Variants in CDC42BPA observed in about 807,000 individuals in gnomAD.
The protein encoded by CDC42BPA is CDC42 binding protein kinase alpha.
Under a neutral mutation model 223.5 loss-of-function variants are expected in CDC42BPA, and 80 were observed. The observed-to-expected ratio is 0.36, with a 90% CI of 0.30 to 0.43. CDC42BPA has a LOEUF of 0.43. Among genes scored for constraint, CDC42BPA ranks in the 20% least tolerant of loss-of-function variants. The pLI is 1.00. For missense variants in CDC42BPA, 1,743 were observed against 2,099.9 expected (o/e 0.83, Z 3.32); for synonymous variants, 694 against 718.6 (o/e 0.97, Z 0.55).
rs1205014590 is a variant in CDC42BPA, at chr1:227,308,755, CATTTCAGGTT to C, written c.178+8240_178+8249del. ...CCAGTATATTGGTTTAGAACAGAAA[CATTTCAGGTT>C]AGGTGTTCTACTTGTAGATATTCAC... On this transcript the variant is annotated intron_variant, in intron 1 of 36. Coordinates refer to ENST00000366766, the MANE Select transcript of CDC42BPA (RefSeq NM_001394014.1). Among the ~76,000 whole-genome samples, 193 of 152,202 alleles carry C rather than the reference CATTTCAGGTT, an allele frequency of 1.3e-3. 2 individuals are homozygous for C. Among genetic ancestry groups the C allele is most frequent in the African/African-American group, 4.3e-3 (177 of 41,526 alleles).
intron 5 of CDC42BPA, among the ~76,000 whole-genome samples, chr1:227,193,348 C>T (rs922001964): frequency 1.3e-4 from 20 of 152,074 alleles, no homozygotes; most frequent in African/African-American, 3.6e-4. Context: ...GCGTGAGCAA[C>T]CGTGACCGGC....
chr1:227,214,989 T>C (rs146274669), intron 2 of CDC42BPA, among the ~76,000 whole-genome samples: 71 of 152,310 alleles, frequency 4.7e-4, no homozygotes, highest in African/African-American at 1.5e-3. Flanking sequence ...TTTGGCAGCA[T>C]GTAGTGACAT....
In CDC42BPA at chr1:226,990,439, C is replaced by G. The variant is rs1232099968; in HGVS notation, c.*3829G>C. 1 of 152,234 alleles carries G rather than the reference C, an allele frequency of 6.6e-6. No individual in the cohort carries two copies. The highest frequency in any genetic ancestry group is 1.5e-5 in the Non-Finnish European group (1 of 68,072). The allele number at this position is 152,234 out of a possible 1,614,324, so 9.4% of individuals were successfully genotyped here. On this transcript the variant is annotated 3_prime_UTR_variant, in exon 37 of 37. Coordinates refer to ENST00000366766, the MANE Select transcript of CDC42BPA (RefSeq NM_001394014.1). Reference sequence around the variant, plus strand: ...ATAAGGAAAGAGATTTTAAAATGGGCTCCATGAAATGCAGCTCATCTAGTT... The same window carrying G: ...ATAAGGAAAGAGATTTTAAAATGGGGTCCATGAAATGCAGCTCATCTAGTT...
chr1:227,200,907 A>T (rs1283226143), intron 3 of CDC42BPA, among the ~76,000 whole-genome samples: 2 of 152,260 alleles, frequency 1.3e-5, no homozygotes, highest in East Asian at 3.9e-4. Flanking sequence ...AAATAATATC[A>T]TTATTCCTTT....
chr1:227,274,990 C>A (rs914594997), intron 1 of CDC42BPA, among the ~76,000 whole-genome samples: 2 of 152,094 alleles, frequency 1.3e-5, no homozygotes, highest in African/African-American at 4.8e-5. Flanking sequence ...ATTTTAACAC[C>A]TGTCTCAGTA....
At chr1:227,080,604 T>C (rs1389751301) in intron 17 of CDC42BPA, among the ~76,000 whole-genome samples, 1 of 152,184 alleles carries the variant, frequency 6.6e-6, no homozygotes, top group Non-Finnish European at 1.5e-5. Context: ...ATTCCAACTT[T>C]GACTCTGAAG....
intron 35 of CDC42BPA, among the ~76,000 whole-genome samples, chr1:227,001,418 CCA>C (rs1267671110): frequency 6.6e-6 from 1 of 152,216 alleles, no homozygotes; most frequent in African/African-American, 2.4e-5. Context: ...CAGGCCAGCT[CCA>C]GTCTGTCGTT....
chr1:227,236,638 G>C (rs563544192), intron 2 of CDC42BPA, among the ~76,000 whole-genome samples: 37 of 152,164 alleles, frequency 2.4e-4, no homozygotes, highest in African/African-American at 8.9e-4. Context: ...ATGATAAAGT[G>C]AACAATATAT....
At chr1:227,296,761 G>C (rs376392817) in intron 1 of CDC42BPA, among the ~76,000 whole-genome samples, 40 of 142,194 alleles carry the variant, frequency 2.8e-4, no homozygotes, top group Non-Finnish European at 4.1e-4. Context: ...AAACCAATAT[G>C]ACATTGGATT....
At chr1:227,041,215 G>A (rs1428679763) in intron 23 of CDC42BPA, among the ~76,000 whole-genome samples, 2 of 152,072 alleles carry the variant, frequency 1.3e-5, no homozygotes, top group Non-Finnish European at 2.9e-5. Context: ...TATATTATAT[G>A]ATGCTGAAGT....
At chr1:227,166,969 G>A (rs188233830) in intron 5 of CDC42BPA, among the ~76,000 whole-genome samples, 33 of 152,184 alleles carry the variant, frequency 2.2e-4, no homozygotes, top group African/African-American at 7.5e-4. Flanking sequence ...ACACTTAATT[G>A]ACAGTACCCA....
intron 1 of CDC42BPA, among the ~76,000 whole-genome samples, chr1:227,302,956 T>C (rs915232638): frequency 6.6e-6 from 1 of 152,052 alleles, no homozygotes; most frequent in Non-Finnish European, 1.5e-5. Context: ...TGCAGGATTT[T>C]CTCTCATCTC....
intron 31 of CDC42BPA, among the ~76,000 whole-genome samples, chr1:227,024,340 A>G (rs1667873045): frequency 6.6e-6 from 1 of 152,232 alleles, no homozygotes; most frequent in Admixed American, 6.5e-5. Context: ...GATGTTGATA[A>G]GAATTCCTTT....
chr1:227,236,901 G>T (rs910598676), intron 2 of CDC42BPA, among the ~76,000 whole-genome samples: 2 of 152,098 alleles, frequency 1.3e-5, no homozygotes, highest in African/African-American at 4.8e-5. Flanking sequence ...AAGTTAGCCA[G>T]TTGTGGTGAC....
intron 1 of CDC42BPA, among the ~76,000 whole-genome samples, chr1:227,261,124 C>CTTTCTTTCTTTCTTTTTT (rs386417862): frequency 8.3e-6 from 1 of 121,002 alleles, no homozygotes; most frequent in Non-Finnish European, 1.7e-5. Context: ...TTGAGTTTTT[C>CTTTCTTTCTTTCTTTTTT]TTTTTTTTTG....
At chr1:227,079,394 T>C (rs187237333) in intron 17 of CDC42BPA, among the ~76,000 whole-genome samples, 1 of 152,246 alleles carries the variant, frequency 6.6e-6, no homozygotes, top group Non-Finnish European at 1.5e-5. Context: ...CCATTCCAGC[T>C]GAACTCATCA....
intron 2 of CDC42BPA, among the ~76,000 whole-genome samples, chr1:227,230,812 C>CTTTTTTTTTTTTTTTT (rs1309498246): frequency 9.8e-5 from 11 of 111,758 alleles, no homozygotes; most frequent in South Asian, 3.1e-4. Flanking sequence ...TTTCTTTTTT[C>CTTTTTTTTTTTTTTTT]TTTCTTTCTT....
At chr1:227,216,932 T>G (rs545980303) in intron 2 of CDC42BPA, among the ~76,000 whole-genome samples, 1 of 152,280 alleles carries the variant, frequency 6.6e-6, no homozygotes, top group Admixed American at 6.5e-5. Context: ...ACAGAAATAA[T>G]CACTAAGTGA....
intron 12 of CDC42BPA, among the ~76,000 whole-genome samples, chr1:227,115,872 G>GAAAA (rs201721780): frequency 2.6e-4 from 38 of 144,610 alleles, no homozygotes; most frequent in East Asian, 8.0e-4. Context: ...AAGAAAAGAG[G>GAAAA]AAAAAAAAAA....
Sources: gnomAD v4.1 joint callset for allele counts (sites outside exome capture counted in the v4.1 genomes callset) on GRCh38, gnomAD v4.1.1 for gene constraint, MANE v1.5 for transcripts, NCBI Gene and HGNC (gene_info 2026-07-23, HGNC 2026-07-21) for gene names.